Variants in PCNT observed in about 807,000 individuals in gnomAD.
The protein encoded by PCNT is kendrin.
A neutral mutation model predicts 380.4 loss-of-function variants in PCNT; 319 were observed. The ratio of observed to expected loss-of-function variants is 0.84; its 90% CI spans 0.77 to 0.92. The LOEUF is 0.92. PCNT is among the 40% of genes least tolerant of loss of function. The pLI, the probability that PCNT is intolerant of heterozygous loss-of-function variation, is 0.00. For synonymous variants in PCNT, 1,845 were observed against 1,735.2 expected (o/e 1.06, Z -1.57); for missense variants, 4,400 against 4,255.3 (o/e 1.03, Z -0.95).
At chr21:46,409,404 G>T (rs866233359) in intron 27 of PCNT, among the ~76,000 whole-genome samples, 9 of 151,856 alleles carry the variant, frequency 5.9e-5, no homozygotes, top group Non-Finnish European at 7.4e-5. Flanking sequence ...GGTCAGGCTG[G>T]TCTCGAACGC....
intron 15 of PCNT, among the ~76,000 whole-genome samples, chr21:46,368,744 T>C (rs909950558): frequency 1.3e-5 from 2 of 152,240 alleles, no homozygotes; most frequent in Admixed American, 6.5e-5. Context: ...TAGGCCTGGC[T>C]GCACGGTGGA....
intron 41 of PCNT, 151 bp downstream of exon 41, chr21:46,438,488 G>A: frequency 1.4e-6 from 1 of 704,242 alleles, no homozygotes; most frequent in Non-Finnish European, 2.5e-6. Flanking sequence ...GCCTCTGTCT[G>A]AAGCCTTGCT....
At chr21:46,383,913 C>T (rs1331272575) in intron 16 of PCNT, among the ~76,000 whole-genome samples, 1 of 144,694 alleles carries the variant, frequency 6.9e-6, no homozygotes, top group South Asian at 2.4e-4. Context: ...AGCGCATTCA[C>T]AGTGTTGTGC....
chr21:46,347,327 A>G lies in PCNT; in HGVS notation c.977-130A>G, dbSNP rs1426943251. ...TTATTAAAGCCAAGCATCATCACAG[A>G]CACATCCTGCTAGCCCGTGAATGCT... On this transcript the variant is annotated intron_variant, in intron 5 of 46. Coordinates refer to ENST00000359568, the MANE Select transcript of PCNT (RefSeq NM_006031.6). The G allele has an allele frequency of 3.4e-6, 3 of 891,248 alleles. No homozygotes were observed. In the Admixed American group the frequency reaches 5.6e-5, roughly 17 times the overall value. The allele number at this position is 891,248 out of a possible 1,614,324, so 55.2% of individuals were successfully genotyped here.
chr21:46,339,039 C>A (rs2083840480), intron 3 of PCNT, among the ~76,000 whole-genome samples: 1 of 152,212 alleles, frequency 6.6e-6, no homozygotes, highest in African/African-American at 2.4e-5. Flanking sequence ...GCCTCGGCCT[C>A]CCAAAGTGCT....
At chr21:46,429,710 T>A (rs1378217609) in intron 35 of PCNT, among the ~76,000 whole-genome samples, 1 of 152,122 alleles carries the variant, frequency 6.6e-6, no homozygotes, top group Non-Finnish European at 1.5e-5. Context: ...TTCCCTCTGT[T>A]GGAGGCAGTT....
At chr21:46,389,487 A>G in intron 19 of PCNT, 56 bp downstream of exon 19, 2 of 1,412,042 alleles carry the variant, frequency 1.4e-6, no homozygotes, top group African/African-American at 2.8e-5. Flanking sequence ...GTAGCTGATG[A>G]TGCCACACGA....
At position 46,413,146 on chromosome 21, in the gene PCNT, G is replaced by C. The variant is rs61501620; in HGVS notation, c.6150+154G>C. Among the ~76,000 whole-genome samples, 1,384 of 114,786 alleles carry C rather than the reference G, an allele frequency of 0.012. 20 individuals carry two copies. The highest frequency in any genetic ancestry group is 0.059 in the African/African-American group (1,232 of 20,776). 75.3% of individuals were successfully genotyped at this position (114,786 alleles called of 152,430 possible). A position where few individuals can be genotyped will look rare whatever the true frequency, so the allele number is the denominator to read the frequency against. On this transcript the variant is annotated intron_variant, in intron 29 of 46. Transcript: ENST00000359568. ...AGCGGGGAAGGCACGAGGCCCACCC[G>C]GGAGAGGCTGGACACGCGGCAGCAA...
intron 31 of PCNT, among the ~76,000 whole-genome samples, chr21:46,421,507 C>CACCGCAGGG (rs1482622832): frequency 6.6e-6 from 1 of 152,202 alleles, no homozygotes; most frequent in Non-Finnish European, 1.5e-5. Flanking sequence ...ACAGGAGCTG[C>CACCGCAGGG]ACCGCAGGGA....
At chr21:46,398,820 C>CTTTTTTTTTTTTTTTT (rs11331073) in intron 24 of PCNT, among the ~76,000 whole-genome samples, 5 of 114,556 alleles carry the variant, frequency 4.4e-5, no homozygotes, top group South Asian at 2.9e-4. Flanking sequence ...TTTTCTTTTT[C>CTTTTTTTTTTTTTTTT]TTTTTTTTTT....
intron 17 of PCNT, among the ~76,000 whole-genome samples, chr21:46,386,219 C>G (rs920951652): frequency 1.1e-4 from 17 of 152,344 alleles, no homozygotes; most frequent in Admixed American, 9.1e-4. Context: ...CCCACCCTGC[C>G]TGCTGTGTCT....
At chr21:46,329,519 T>C (rs990176803) in intron 2 of PCNT, among the ~76,000 whole-genome samples, 1 of 152,220 alleles carries the variant, frequency 6.6e-6, no homozygotes, top group Non-Finnish European at 1.5e-5. Context: ...ATAAAACATG[T>C]ATTTTGGACA....
rs549460495 is a variant in PCNT, at chr21:46,355,366, A to G, written c.1762-86A>G. ...AGTGAGGTTTGAGTTTTCTTTGTGC[A>G]TAGCAGGAAACACCTTTGAGGGTTA... is the stretch of plus-strand genomic sequence containing the variant. On this transcript the variant is annotated intron_variant, in intron 11 of 46. Transcript: ENST00000359568. 142 of 1,398,254 alleles carry G rather than the reference A, an allele frequency of 1.0e-4. 1 individual carries two copies. The South Asian group carries it at 1.4e-3, about 14-fold the overall frequency. 86.6% of individuals were successfully genotyped at this position (1,398,254 alleles called of 1,614,324 possible). A position where few individuals can be genotyped will look rare whatever the true frequency, so the allele number is the denominator to read the frequency against.
chr21:46,368,179 C>T (rs2146943345), intron 15 of PCNT, among the ~76,000 whole-genome samples: 1 of 152,016 alleles, frequency 6.6e-6, no homozygotes, highest in South Asian at 2.1e-4. Context: ...ACAAAAATAG[C>T]TCACACCTGT....
chr21:46,373,020 CTGT>C (rs151076256), intron 15 of PCNT, among the ~76,000 whole-genome samples: 7,129 of 152,174 alleles, frequency 0.047, 528 homozygotes, highest in African/African-American at 0.16. Context: ...TCTAGGGTGA[CTGT>C]TGTTGTTGTT....
chr21:46,421,323 C>T (rs902206361), intron 31 of PCNT, among the ~76,000 whole-genome samples: 1 of 152,184 alleles, frequency 6.6e-6, no homozygotes, highest in Non-Finnish European at 1.5e-5. Flanking sequence ...AAGTCTAACA[C>T]CCTTTTTCCA....
In PCNT at chr21:46,389,225, G is replaced by A; in HGVS notation, c.3634G>A (p.Asp1212Asn). ...TCCGGCGCTGGAGGAGACATGGTCT[G>A]ATGTGGCCCTCCCGGAGTTGGACAG... ...TAPALEETWS[D>N]VALPELDRTL... Residue 1212 changes from aspartate (D) to asparagine (N), a missense_variant, in exon 19 of 47, where the codon GAT becomes AAT. Physicochemically the swap from Asp to Asn is conservative, Grantham distance 23. Transcript: ENST00000359568. The A allele has an allele frequency of 1.2e-6, 2 of 1,614,174 alleles. No homozygotes were observed. Among genetic ancestry groups the A allele is most frequent in the Non-Finnish European group, 1.7e-6 (2 of 1,180,012 alleles).
Position 46,427,676 on chromosome 21 carries a change from G to T in PCNT, c.7375G>T (p.Glu2459Ter). 1 of 1,613,982 alleles carries T rather than the reference G, an allele frequency of 6.2e-7. No homozygotes were observed. Among genetic ancestry groups the T allele is most frequent in the Non-Finnish European group, 8.5e-7 (1 of 1,180,030 alleles). The change falls in exon 34 of 47, where the codon GAG (glutamate) becomes TAG (stop). Residue 2459 changes from glutamate (E) to a stop codon, truncating the protein, a stop_gained. Transcript: ENST00000359568. LOFTEE classifies it high-confidence loss of function. ...WRGDLLQVVQ[E>*]AFEKEQEMQG... ...AGGGGACCTTCTGCAGGTTGTGCAA[G>T]AGGCCTTTGAAAAAGAGCAGGAGAT... is the stretch of plus-strand genomic sequence containing the variant.
At chr21:46,391,860 G>A (rs988725762) in intron 21 of PCNT, among the ~76,000 whole-genome samples, 1 of 152,222 alleles carries the variant, frequency 6.6e-6, no homozygotes, top group African/African-American at 2.4e-5. Context: ...AAAATGTCGA[G>A]CCTGCAGGGA....
Sources: allele counts gnomAD v4.1 joint callset (sites outside exome capture counted in the v4.1 genomes callset), GRCh38; gene constraint gnomAD v4.1.1; transcripts MANE v1.5; gene names NCBI Gene and HGNC (gene_info 2026-07-23, HGNC 2026-07-21).